Variants in RALGPS2 observed in about 807,000 individuals in gnomAD.
RALGPS2 encodes ras-specific guanine nucleotide-releasing factor RalGPS2.
RALGPS2 carries 43 observed loss-of-function variants against 86.8 expected under a neutral mutation model. That is an observed-to-expected ratio of 0.50 (90% CI 0.39 to 0.64). The LOEUF (loss-of-function observed/expected upper bound fraction) is 0.64. RALGPS2 is among the 30% of genes least tolerant of loss of function. The pLI, the probability that RALGPS2 is intolerant of heterozygous loss-of-function variation, is 0.00. For synonymous variants in RALGPS2, 243 were observed against 231.3 expected, an observed-to-expected ratio of 1.05 and a Z score of -0.46; for missense variants, 536 against 694.6, an observed-to-expected ratio of 0.77 and a Z score of 2.57.
chr1:178,735,256 T>C (rs1043868863), intron 1 of RALGPS2, among the ~76,000 whole-genome samples: 1 of 152,004 alleles, frequency 6.6e-6, no homozygotes, highest in Admixed American at 6.6e-5. Context: ...GAGTACGTAC[T>C]CCATGAAGTC....
chr1:178,746,826 T>G, intron 1 of RALGPS2: 1 of 1,153,994 alleles, frequency 8.7e-7, no homozygotes, highest in Non-Finnish European at 1.3e-6. Flanking sequence ...TTCTCCTCCA[T>G]TGTATCTTGC....
At chr1:178,770,838 G>GTTTT (rs1276426119) in intron 1 of RALGPS2, among the ~76,000 whole-genome samples, 5 of 109,554 alleles carry the variant, frequency 4.6e-5, no homozygotes, top group Admixed American at 9.3e-5. Flanking sequence ...TGTTGTTGTT[G>GTTTT]TTTTTTTTTT....
intron 1 of RALGPS2, among the ~76,000 whole-genome samples, chr1:178,738,858 C>T (rs1271222730): frequency 6.6e-6 from 1 of 152,126 alleles, no homozygotes; most frequent in Non-Finnish European, 1.5e-5. Flanking sequence ...TCTGTTGCAT[C>T]TGTGGTTATT....
intron 8 of RALGPS2, among the ~76,000 whole-genome samples, chr1:178,849,209 T>C (rs1657026837): frequency 6.6e-6 from 1 of 152,178 alleles, no homozygotes; most frequent in Admixed American, 6.5e-5. Context: ...TAGCAAGTGG[T>C]AGAGCTGGGC....
At chr1:178,776,420 A>G (rs549647915) in intron 1 of RALGPS2, among the ~76,000 whole-genome samples, 110 of 152,238 alleles carry the variant, frequency 7.2e-4, no homozygotes, top group African/African-American at 2.5e-3. Context: ...CCCTCGCAAT[A>G]CCCACTTAGC....
At chr1:178,838,058 A>T (rs890872398) in intron 8 of RALGPS2, among the ~76,000 whole-genome samples, 2 of 152,236 alleles carry the variant, frequency 1.3e-5, no homozygotes, top group African/African-American at 4.8e-5. Flanking sequence ...AGCCCACCGC[A>T]GCTCAAGGAG....
chr1:178,857,457 A>T (rs903478472), intron 8 of RALGPS2, among the ~76,000 whole-genome samples: 5 of 152,306 alleles, frequency 3.3e-5, no homozygotes, highest in African/African-American at 9.6e-5. Context: ...GAGAAGTCAC[A>T]AGAAAGAGAG....
intron 7 of RALGPS2, among the ~76,000 whole-genome samples, chr1:178,828,198 C>G (rs1655843417): frequency 6.6e-6 from 1 of 152,154 alleles, no homozygotes; most frequent in South Asian, 2.1e-4. Flanking sequence ...AATAATACAT[C>G]TGATAAGGGG....
intron 8 of RALGPS2, among the ~76,000 whole-genome samples, chr1:178,841,124 G>A (rs1470711107): frequency 6.6e-6 from 1 of 152,148 alleles, no homozygotes; most frequent in Non-Finnish European, 1.5e-5. Flanking sequence ...AATAGAAAAA[G>A]AGGGAATCCT....
chr1:178,817,748 A>G (rs1196265476), intron 6 of RALGPS2, among the ~76,000 whole-genome samples: 1 of 152,170 alleles, frequency 6.6e-6, no homozygotes, highest in Non-Finnish European at 1.5e-5. Flanking sequence ...ATCCACAAAC[A>G]TGGTTTATTT....
Position 178,843,960 on chromosome 1 carries a change from G to A in RALGPS2, c.607+10410G>A, listed in dbSNP as rs150474111. Among the ~76,000 whole-genome samples, 913 of 152,232 alleles carry A rather than the reference G, an allele frequency of 6.0e-3. 15 individuals carry two copies. Among genetic ancestry groups the A allele is most frequent in the African/African-American group, 0.021 (881 of 41,544 alleles). On this transcript the variant is annotated intron_variant, in intron 8 of 19. Transcript: ENST00000367635. ...TGACTGCTTTGCCTTATAGCAAACC[G>A]TTAGATTAAATGTATTTAATCTATT...
rs748543800 is a variant in RALGPS2, at chr1:178,894,025, G to T, written c.1431+1G>T. 6.5e-7 allele frequency: 1 copy of T among 1,538,810 alleles called. No individual in the cohort carries two copies. The highest frequency in any genetic ancestry group is 1.7e-5 in the Admixed American group (1 of 57,520). On this transcript the variant is annotated splice_donor_variant, in intron 16 of 19. Transcript: ENST00000367635. LOFTEE classifies it high-confidence loss of function. ...GTTAAAAGAAGGCAAAAAGCCTACAGTAAGATTTCATCATATTATATTTTA... is the reference window on the plus strand; with the variant it reads ...GTTAAAAGAAGGCAAAAAGCCTACATTAAGATTTCATCATATTATATTTTA...
At chr1:178,822,907 A>G (rs572432062) in intron 7 of RALGPS2, among the ~76,000 whole-genome samples, 1 of 152,198 alleles carries the variant, frequency 6.6e-6, no homozygotes, top group East Asian at 1.9e-4. Context: ...GCAGCCCCCA[A>G]CTCCTGGGCT....
intron 18 of RALGPS2, among the ~76,000 whole-genome samples, chr1:178,906,458 A>G (rs906657945): frequency 6.6e-6 from 1 of 152,210 alleles, no homozygotes; most frequent in African/African-American, 2.4e-5. Context: ...ACACAGATCT[A>G]GAGATGCCAC....
rs1647290167 is a variant in RALGPS2 at position 178,921,292 on chromosome 1, C to T, written c.*4933C>T. ...GCTCTTTTTTTTCTTAATAGAAAAG[C>T]AGAAACTTCATAAATAATAGCTGTG... On this transcript the variant is annotated 3_prime_UTR_variant, in exon 20 of 20. Coordinates refer to ENST00000367635, the MANE Select transcript of RALGPS2 (RefSeq NM_152663.5). 6.6e-6 allele frequency: 1 copy of T among 151,792 alleles called. No homozygotes were observed. The highest frequency in any genetic ancestry group is 2.4e-5 in the African/African-American group (1 of 41,328). 9.4% of individuals were successfully genotyped at this position (151,792 alleles called of 1,614,324 possible).
chr1:178,799,221 A>G (rs1037712183), intron 4 of RALGPS2, among the ~76,000 whole-genome samples: 3 of 152,026 alleles, frequency 2.0e-5, no homozygotes, highest in African/African-American at 7.2e-5. Context: ...TTGTATTTTT[A>G]GTAGAGATGG....
Position 178,853,664 on chromosome 1 carries a change from C to G in RALGPS2, c.607+20114C>G, listed in dbSNP as rs1323544755. 3 of 1,612,560 alleles carry G rather than the reference C, an allele frequency of 1.9e-6. No individual in the cohort carries two copies. Among genetic ancestry groups the G allele is most frequent in the Non-Finnish European group, 2.5e-6 (3 of 1,179,310 alleles). ...TCTTTTCTGAATAACAGTCCAACCC[C>G]CAGGGTCCAAACTGTTTTCACACCA... On this transcript the variant is annotated intron_variant, in intron 8 of 19. Coordinates refer to ENST00000367635, the MANE Select transcript of RALGPS2 (RefSeq NM_152663.5).
intron 2 of RALGPS2, among the ~76,000 whole-genome samples, chr1:178,777,726 G>A (rs77059833): frequency 7.2e-5 from 11 of 151,916 alleles, no homozygotes; most frequent in African/African-American, 7.3e-5. Flanking sequence ...CAGAGCCCTC[G>A]GAAATAACAC....
At position 178,833,383 on chromosome 1, in the gene RALGPS2, G is replaced by C. The variant is rs758072537; in HGVS notation, c.481-41G>C. The C allele has an allele frequency of 3.4e-6, 5 of 1,449,516 alleles. No individual in the cohort carries two copies. The East Asian group carries it at 1.1e-4, about 31-fold the overall frequency. The allele number at this position is 1,449,516 out of a possible 1,614,324, so 89.8% of individuals were successfully genotyped here. On this transcript the variant is annotated intron_variant, in intron 7 of 19. Coordinates refer to ENST00000367635, the MANE Select transcript of RALGPS2 (RefSeq NM_152663.5). ...GTTCAGGTCTTTGCTACAATAAAAT[G>C]AGATTTGTAAATAACTTAGGTTTTT...
Sources: allele counts gnomAD v4.1 joint callset (sites outside exome capture counted in the v4.1 genomes callset), GRCh38; gene constraint gnomAD v4.1.1; transcripts MANE v1.5; gene names NCBI Gene and HGNC (gene_info 2026-07-23, HGNC 2026-07-21).